The following TEX11 variants were observed in gnomAD, a reference collection of about 807,000 sequenced individuals.
TEX11 encodes the protein testis expressed 11.
In TEX11, 7 loss-of-function variants were observed where a neutral mutation model predicts 84.4. The observed-to-expected ratio is 0.08, with a 90% CI of 0.05 to 0.16. TEX11 has a LOEUF of 0.16. Ranked by LOEUF, TEX11 falls within the 10% of genes least tolerant of loss-of-function variation. The probability of loss-of-function intolerance (pLI) is 1.00; values close to 1 mark genes in which losing one functional copy is unlikely to be tolerated. For synonymous variants in TEX11, 264 were observed against 222.8 expected (o/e 1.18, Z -1.64); for missense variants, 551 against 660.5 (o/e 0.83, Z 1.82).
chrX:70,810,400 C>T (rs1289320643), intron 8 of TEX11, among the ~76,000 whole-genome samples: 1 of 111,899 alleles, frequency 8.9e-6, no homozygotes, highest in Non-Finnish European at 1.9e-5. Context: ...ACCCAAATGC[C>T]CATCAATGAT....
In TEX11 at chrX:70,629,725, T is replaced by C. The variant is rs1603164816; in HGVS notation, c.1494A>G (p.Ala498=). ...TTAATATATTCTCTAAAGTAATTAT[T>C]GCCTGCAAAGCTGAAAAACAAGAAA... The part of the protein sequence containing the change: ...IEGNSERALQ[A]IITLENILTD... Residue 498 remains alanine (A), a synonymous_variant, in exon 18 of 30, where the codon GCA becomes GCG. Transcript: ENST00000374333. 1 of 1,169,385 alleles carries C rather than the reference T, an allele frequency of 8.6e-7. No individual in the cohort carries two copies. The highest frequency in any genetic ancestry group is 1.2e-6 in the Non-Finnish European group (1 of 865,168).
chrX:70,674,955 C>A (rs1325087), intron 15 of TEX11, among the ~76,000 whole-genome samples: 46,666 of 109,216 alleles, frequency 0.43, 8,378 homozygotes, highest in East Asian at 0.58. Context: ...TTAAAAAAAA[C>A]TCTTTGTTTT....
At chrX:70,580,004 C>G (rs2088748732) in intron 25 of TEX11, among the ~76,000 whole-genome samples, 2 of 112,040 alleles carry the variant, frequency 1.8e-5, no homozygotes, top group South Asian at 7.6e-4. Context: ...TCTGCACTCC[C>G]ATATGTATTG....
intron 16 of TEX11, among the ~76,000 whole-genome samples, chrX:70,652,824 G>T (rs190172756): frequency 9.0e-6 from 1 of 111,333 alleles, no homozygotes; most frequent in Admixed American, 9.6e-5. Context: ...AGCACAGAGC[G>T]ATTACAAACA....
chrX:70,584,289 CA>C (rs143182132), intron 25 of TEX11, among the ~76,000 whole-genome samples: 10,745 of 53,554 alleles, frequency 0.2, 486 homozygotes, highest in Middle Eastern at 0.34. Context: ...GACTCCGTCT[CA>C]AAAAAAAAAA....
At chrX:70,743,907 C>T (rs1358420348) in intron 10 of TEX11, among the ~76,000 whole-genome samples, 1 of 103,532 alleles carries the variant, frequency 9.7e-6, no homozygotes, top group African/African-American at 4.0e-5. Context: ...CACACACACA[C>T]ACACACAGAA....
At chrX:70,733,980 AATG>A (rs1322397531) in intron 11 of TEX11, among the ~76,000 whole-genome samples, 2 of 111,789 alleles carry the variant, frequency 1.8e-5, no homozygotes, top group Non-Finnish European at 3.8e-5. Context: ...AGCCATAAAA[AATG>A]ATGAGTTCAT....
chrX:70,568,406 A>T (rs1327828254), intron 25 of TEX11, among the ~76,000 whole-genome samples: 12 of 109,954 alleles, frequency 1.1e-4, no homozygotes, highest in Admixed American at 1.9e-4. Context: ...TCCATTTACA[A>T]TTAAAGTTAA....
In TEX11 at chrX:70,552,233, T is replaced by C. The variant is rs140957385; in HGVS notation, c.2413A>G (p.Asn805Asp). Residue 805 changes from asparagine to aspartate, a missense_variant, in exon 28 of 30, where the codon AAC (asparagine) becomes GAC (aspartate). By Grantham distance (23) the Asn-to-Asp change is conservative. Coordinates refer to ENST00000374333, the MANE Select transcript of TEX11 (RefSeq NM_031276.3). ...DISQYSKCMH[N>D]LVNLSVPDGA... is the part of the protein sequence containing the mutation. ...TCTGGCACTGAGAGGTTAACCAAGT[T>C]GTGCATACATTTGCTGAAAATCAAA... The C allele has an allele frequency of 9.1e-6, 11 of 1,205,320 alleles. No individual in the cohort carries two copies. The African/African-American group carries it at 1.6e-4, about 17-fold the overall frequency.
chrX:70,596,764 A>G (rs1362383901), intron 24 of TEX11, among the ~76,000 whole-genome samples: 1 of 110,834 alleles, frequency 9.0e-6, no homozygotes, highest in Non-Finnish European at 1.9e-5. Flanking sequence ...AGCAAGCAGA[A>G]GGAAGATTTG....
At chrX:70,710,805 T>A (rs1037612862) in intron 13 of TEX11, among the ~76,000 whole-genome samples, 4 of 111,344 alleles carry the variant, frequency 3.6e-5, no homozygotes, top group Non-Finnish European at 7.5e-5. Flanking sequence ...ATTTTTTTTA[T>A]ACTTTAAGTT....
chrX:70,694,180 G>C (rs944093282), intron 13 of TEX11, among the ~76,000 whole-genome samples: 12 of 110,781 alleles, frequency 1.1e-4, no homozygotes, highest in African/African-American at 3.9e-4. Context: ...GAGTAGCTGG[G>C]ACTACTGGCG....
intron 8 of TEX11, among the ~76,000 whole-genome samples, chrX:70,827,218 A>G (rs2091351720): frequency 9.0e-6 from 1 of 111,089 alleles, no homozygotes; most frequent in Admixed American, 9.6e-5. Context: ...GGCAGGATTA[A>G]TCACCTGCTG....
At chrX:70,823,077 A>G (rs1427014038) in intron 8 of TEX11, among the ~76,000 whole-genome samples, 2 of 111,098 alleles carry the variant, frequency 1.8e-5, no homozygotes, top group Non-Finnish European at 3.8e-5. Flanking sequence ...TTAAAAGAAA[A>G]GGAAATTGTC....
At chrX:70,822,644 C>T (rs943002550) in intron 8 of TEX11, among the ~76,000 whole-genome samples, 2 of 111,072 alleles carry the variant, frequency 1.8e-5, no homozygotes, top group African/African-American at 6.6e-5. Flanking sequence ...CATTTTCTGT[C>T]ACTCCTAGGG....
At chrX:70,651,392 G>A (rs1335674322) in intron 17 of TEX11, 58 bp downstream of exon 17, 1 of 808,440 alleles carries the variant, frequency 1.2e-6, no homozygotes. Context: ...TGTGGTTGAA[G>A]AGGATTATTT....
intron 12 of TEX11, 151 bp from the exon 13 acceptor site, chrX:70,722,847 G>A: frequency 2.2e-6 from 1 of 459,480 alleles, no homozygotes; most frequent in Non-Finnish European, 3.7e-6. Flanking sequence ...TTCTTTTAAA[G>A]TATTAACATC....
At chrX:70,555,269 A>G (rs1257128634) in intron 25 of TEX11, among the ~76,000 whole-genome samples, 1 of 112,285 alleles carries the variant, frequency 8.9e-6, no homozygotes, top group East Asian at 2.8e-4. Context: ...AAACTGTTTC[A>G]TTAGTCGACA....
chrX:70,847,465 C>T (rs1263708831), intron 7 of TEX11, among the ~76,000 whole-genome samples: 1 of 111,655 alleles, frequency 9.0e-6, no homozygotes, highest in Admixed American at 9.6e-5. Context: ...AAACTCTCTT[C>T]TCGTGAATGA....
Sources: gnomAD v4.1 joint callset for allele counts (sites outside exome capture counted in the v4.1 genomes callset) on GRCh38, gnomAD v4.1.1 for gene constraint, MANE v1.5 for transcripts, NCBI Gene and HGNC (gene_info 2026-07-23, HGNC 2026-07-21) for gene names.